DSCAM: variants seen among roughly 807,000 people sequenced by gnomAD.
DSCAM encodes the protein DS cell adhesion molecule, also known as cell adhesion molecule DSCAM.
A neutral mutation model predicts 217.7 loss-of-function variants in DSCAM; 47 were observed. That is an observed-to-expected ratio of 0.22 (90% confidence interval 0.17 to 0.28). The LOEUF (loss-of-function observed/expected upper bound fraction) is 0.28, where lower values mean the gene tolerates loss of function less well. Among genes scored for constraint, DSCAM ranks in the 10% least tolerant of loss-of-function variants. DSCAM has a pLI of 1.00. For missense variants in DSCAM, 2,080 were observed against 2,618.3 expected (o/e 0.79, Z 4.49); for synonymous variants, 1,056 against 1,015.3 (o/e 1.04, Z -0.76).
intron 32 of DSCAM, among the ~76,000 whole-genome samples, chr21:40,015,639 G>A (rs1210434629): frequency 6.6e-6 from 1 of 152,034 alleles, no homozygotes; most frequent in Non-Finnish European, 1.5e-5. Context: ...GTCTTGCTTG[G>A]TTTCCCAGGC....
At chr21:40,186,952 A>C (rs1244718977) in intron 14 of DSCAM, among the ~76,000 whole-genome samples, 179 bp downstream of exon 14, 1 of 152,202 alleles carries the variant, frequency 6.6e-6, no homozygotes, top group East Asian at 1.9e-4. Flanking sequence ...CCTCAACACG[A>C]AACTCCACTC....
At chr21:40,103,519 T>C (rs2089780395) in intron 20 of DSCAM, among the ~76,000 whole-genome samples, 1 of 152,080 alleles carries the variant, frequency 6.6e-6, no homozygotes, top group African/African-American at 2.4e-5. Flanking sequence ...TTTGATCTAA[T>C]TTCCATTTTA....
intron 18 of DSCAM, among the ~76,000 whole-genome samples, chr21:40,139,359 A>G (rs1053820383): frequency 1.3e-5 from 2 of 152,024 alleles, no homozygotes; most frequent in Admixed American, 6.6e-5. Context: ...AATATAGGTA[A>G]GAAGTATATT....
intron 3 of DSCAM, among the ~76,000 whole-genome samples, chr21:40,653,128 C>A (rs778395976): frequency 3.4e-4 from 51 of 152,186 alleles, no homozygotes; most frequent in Non-Finnish European, 4.9e-4. Context: ...TTTTCCTTTG[C>A]TGATTTTAAT....
At position 40,295,276 on chromosome 21, in the gene DSCAM, T is replaced by C. The variant is rs2073941818; in HGVS notation, c.2182+779A>G. On this transcript the variant is annotated intron_variant, in intron 10 of 32. Transcript: ENST00000400454. ...ATAGTACTGAATTCAAGTGTCTAAA[T>C]GAGAAAAGAAAGAGAACTTCCAATA... 3.3e-5 allele frequency among the ~76,000 whole-genome samples: 5 copies of C among 152,094 alleles called. No individual in the cohort carries two copies. The South Asian group carries it at 1.0e-3, about 32-fold the overall frequency.
chr21:40,125,768 G>A (rs949549338), intron 19 of DSCAM, among the ~76,000 whole-genome samples: 2 of 152,238 alleles, frequency 1.3e-5, no homozygotes, highest in African/African-American at 4.8e-5. Flanking sequence ...TCTATCAGGT[G>A]AGGGTAATGT....
At chr21:40,607,875 T>G (rs898697373) in intron 3 of DSCAM, among the ~76,000 whole-genome samples, 1 of 152,154 alleles carries the variant, frequency 6.6e-6, no homozygotes, top group Admixed American at 6.5e-5. Context: ...TACAAAGCAA[T>G]TGGTTAGAAT....
rs1568953430 is a variant in DSCAM, at chr21:40,637,132, TATATAAATATATATATAAATATATATAA to T, written c.508+55650_508+55677del. 4.0e-4 allele frequency among the ~76,000 whole-genome samples: 32 copies of T among 79,044 alleles called. 3 individuals carry two copies. The highest frequency in any genetic ancestry group is 8.1e-4 in the Admixed American group (3 of 3,708). The allele number at this position is 79,044 out of a possible 152,430, so 51.9% of individuals were successfully genotyped here. A position where few individuals can be genotyped will look rare whatever the true frequency, so the allele number is the denominator to read the frequency against. On this transcript the variant is annotated intron_variant, in intron 3 of 32. Transcript: ENST00000400454. ...TCATATATATATATATATATATAAA[TATATAAATATATATATAAATATATATAA>T]ATATAAATATATATATAAATATATA...
rs140925607 is a variant in DSCAM, at chr21:40,190,397, G to A, written c.2357-1159C>T. Among the ~76,000 whole-genome samples, 641 of 152,126 alleles carry A rather than the reference G, an allele frequency of 4.2e-3. 6 individuals carry two copies. Among genetic ancestry groups the A allele is most frequent in the African/African-American group, 0.015 (616 of 41,482 alleles). The stretch of plus-strand genomic sequence containing the variant: ...AAAGCCAGAGGTAATATATAATGGC[G>A]GTGCTTTGACTACCTGAGAGGCATG... On this transcript the variant is annotated intron_variant, in intron 11 of 32. Transcript: ENST00000400454.
chr21:40,489,759 G>C (rs552017202), intron 3 of DSCAM, among the ~76,000 whole-genome samples: 3 of 108,582 alleles, frequency 2.8e-5, no homozygotes, highest in Non-Finnish European at 5.1e-5. Context: ...TGGGCGACAG[G>C]GCGAGACTCC....
intron 3 of DSCAM, among the ~76,000 whole-genome samples, chr21:40,450,568 T>G (rs1003292338): frequency 1.3e-5 from 2 of 152,266 alleles, no homozygotes; most frequent in African/African-American, 4.8e-5. Context: ...GAACATTTGA[T>G]GAATTGCCCA....
chr21:40,198,472 G>C (rs1197772546), intron 11 of DSCAM, among the ~76,000 whole-genome samples: 4 of 152,286 alleles, frequency 2.6e-5, no homozygotes, highest in African/African-American at 9.6e-5. Flanking sequence ...GTGGGGACGT[G>C]TAGTCAGGCC....
chr21:40,504,787 A>AT (rs2076197324), intron 3 of DSCAM, among the ~76,000 whole-genome samples: 2 of 152,096 alleles, frequency 1.3e-5, no homozygotes, highest in African/African-American at 4.8e-5. Context: ...CATTTTATTT[A>AT]TTTTCTCAGT....
chr21:40,788,265 A>G (rs980932453), intron 1 of DSCAM, among the ~76,000 whole-genome samples: 6 of 152,252 alleles, frequency 3.9e-5, no homozygotes, highest in Non-Finnish European at 2.9e-5. Context: ...TCATCAGCAC[A>G]CATTTCTTCT....
chr21:40,400,722 G>A (rs1019994514), intron 3 of DSCAM, among the ~76,000 whole-genome samples: 1 of 152,072 alleles, frequency 6.6e-6, no homozygotes, highest in African/African-American at 2.4e-5. Flanking sequence ...TGGCCTTCTG[G>A]GGTAATTTCT....
chr21:40,436,147 C>G (rs549023175), intron 3 of DSCAM, among the ~76,000 whole-genome samples: 38 of 152,172 alleles, frequency 2.5e-4, no homozygotes, highest in African/African-American at 8.9e-4. Context: ...AGGACATAAC[C>G]CCATCATAAG....
At chr21:40,433,081 G>A (rs8129283) in intron 3 of DSCAM, among the ~76,000 whole-genome samples, 33,885 of 151,908 alleles carry the variant, frequency 0.22, 3,820 homozygotes, top group African/African-American at 0.27. Flanking sequence ...AAAATGAGCC[G>A]GGCATGGTAG....
At chr21:40,725,506 A>G (rs149721743) in intron 1 of DSCAM, among the ~76,000 whole-genome samples, 62 of 152,352 alleles carry the variant, frequency 4.1e-4, no homozygotes, top group African/African-American at 1.4e-3. Context: ...TTGCCCTTGC[A>G]TATCAACAGA....
At position 40,181,194 on chromosome 21, in the gene DSCAM, T is replaced by A. The variant is rs536012949; in HGVS notation, c.2780-2100A>T. Among the ~76,000 whole-genome samples the A allele has an allele frequency of 4.7e-5, 7 of 150,082 alleles. No homozygotes were observed. In the East Asian group the frequency reaches 1.4e-3, roughly 29 times the overall value. On this transcript the variant is annotated intron_variant, in intron 14 of 32. Coordinates refer to ENST00000400454, the MANE Select transcript of DSCAM (RefSeq NM_001389.5). ...GTTTTACGCCTAAGAACTTTTTTAT[T>A]GGGTCAATGGTGCATTCTTCCTAGT...
Sources: gnomAD v4.1 joint callset for allele counts (sites outside exome capture counted in the v4.1 genomes callset) on GRCh38, gnomAD v4.1.1 for gene constraint, MANE v1.5 for transcripts, NCBI Gene and HGNC (gene_info 2026-07-23, HGNC 2026-07-21) for gene names.